The following PCSK5 variants were observed in gnomAD, a reference collection of about 807,000 sequenced individuals.
PCSK5 encodes proprotein convertase subtilisin/kexin type 5.
PCSK5 carries 129 observed loss-of-function variants against 233.2 expected under a neutral mutation model. That is an observed-to-expected ratio of 0.55 (90% CI 0.48 to 0.64). The LOEUF (loss-of-function observed/expected upper bound fraction) is 0.64. Ranked by LOEUF, PCSK5 falls within the 30% of genes least tolerant of loss-of-function variation. The pLI is 0.00. For missense variants in PCSK5, 2,076 were observed against 2,430.1 expected, an observed-to-expected ratio of 0.85 and a Z score of 3.06; for synonymous variants, 825 against 879.2, an observed-to-expected ratio of 0.94 and a Z score of 1.09.
chr9:76,135,363 T>G (rs1326187318), intron 10 of PCSK5, among the ~76,000 whole-genome samples: 2 of 152,070 alleles, frequency 1.3e-5, no homozygotes, highest in African/African-American at 2.4e-5. Flanking sequence ...AGATAACCAG[T>G]GCCACATTAA....
chr9:76,006,702 T>C (rs2131442372), intron 3 of PCSK5, among the ~76,000 whole-genome samples: 3 of 152,316 alleles, frequency 2.0e-5, no homozygotes, highest in East Asian at 3.9e-4. Context: ...CCACCATCAG[T>C]TCTTTTGCGA....
chr9:76,322,926 G>A (rs944658810), intron 31 of PCSK5, 126 bp from the exon 32 acceptor site: 1 of 629,884 alleles, frequency 1.6e-6, no homozygotes, highest in Non-Finnish European at 2.8e-6. Context: ...GGCAGGGTGG[G>A]TAAAGGGCAA....
rs2131603182 is a variant in PCSK5 at position 76,071,766 on chromosome 9, A to G, written c.762A>G (p.Glu254=). 1 of 1,614,082 alleles carries G rather than the reference A, an allele frequency of 6.2e-7. No homozygotes were observed. ...MLDGDVTDMV[E]AKSVSFNPQH... is the part of the protein sequence containing the mutation. ...ACGGAGATGTCACGGACATGGTTGAAGCAAAATCAGTTAGCTTCAACCCCC... is the reference window on the plus strand; with the variant it reads ...ACGGAGATGTCACGGACATGGTTGAGGCAAAATCAGTTAGCTTCAACCCCC... Residue 254 remains glutamate (E), a synonymous_variant, in exon 7 of 38, where the codon GAA becomes GAG. Transcript: ENST00000674117.
chr9:76,057,157 A>C (rs1403207676), intron 5 of PCSK5, among the ~76,000 whole-genome samples: 2 of 152,180 alleles, frequency 1.3e-5, no homozygotes, highest in Non-Finnish European at 2.9e-5. Flanking sequence ...CTGAGCAAAA[A>C]CACATCTGAA....
chr9:76,153,745 A>G (rs1823768480), intron 10 of PCSK5, among the ~76,000 whole-genome samples: 1 of 152,172 alleles, frequency 6.6e-6, no homozygotes, highest in Admixed American at 6.5e-5. Flanking sequence ...TCCCCTTACA[A>G]TTCCCTGGTA....
Position 76,350,811 on chromosome 9 carries a change from A to T in PCSK5, c.4967-17A>T. 1 of 1,456,774 alleles carries T rather than the reference A, an allele frequency of 6.9e-7. No individual in the cohort carries two copies. Among genetic ancestry groups the T allele is most frequent in the South Asian group, 1.1e-5 (1 of 87,230 alleles). 90.2% of individuals were successfully genotyped at this position (1,456,774 alleles called of 1,614,324 possible). A position where few individuals can be genotyped will look rare whatever the true frequency, so the allele number is the denominator to read the frequency against. ...ATCTAAGGTCAATCTCATAACTTAG[A>T]ATGTTTTCTCTTTCAGGAAAAGGAG... On this transcript the variant is annotated splice_polypyrimidine_tract_variant and intron_variant, in intron 35 of 37. Coordinates refer to ENST00000674117, the MANE Select transcript of PCSK5 (RefSeq NM_001372043.1).
chr9:75,930,130 T>G (rs1191755249), intron 1 of PCSK5, among the ~76,000 whole-genome samples: 1 of 152,194 alleles, frequency 6.6e-6, no homozygotes. Context: ...CCCAAAGTGC[T>G]AGGGTTATAG....
intron 5 of PCSK5, among the ~76,000 whole-genome samples, chr9:76,058,926 C>G (rs1246158460): frequency 6.6e-6 from 1 of 152,096 alleles, no homozygotes; most frequent in Non-Finnish European, 1.5e-5. Flanking sequence ...AGGAGGATCA[C>G]TTGAGCCCAG....
Position 76,328,229 on chromosome 9 carries a change from C to A in PCSK5, c.4560C>A (p.Ser1520Arg). 2 of 1,610,342 alleles carry A rather than the reference C, an allele frequency of 1.2e-6. No homozygotes were observed. Among genetic ancestry groups the A allele is most frequent in the South Asian group, 2.2e-5 (2 of 91,044 alleles). ...AGTGTCAAACATGCCCCATGAACAG[C>A]CTTCTTCTCAGTGAGTTACTTCTCC... ...EDQCQTCPMN[S>R]LLLNTTCVKD... The change falls in exon 33 of 38, where the codon AGC becomes AGA. Residue 1520 changes from serine to arginine, a missense_variant. This residue lies in a region of PCSK5 where 1,510 missense variants were observed against 1,538.1 expected (regional missense o/e 0.98). Transcript: ENST00000674117.
Position 76,188,679 on chromosome 9 carries a change from C to A in PCSK5, c.2380+4C>A, listed in dbSNP as rs545554201. The A allele has an allele frequency of 3.7e-6, 6 of 1,607,848 alleles. No homozygotes were observed. The highest frequency in any genetic ancestry group is 5.1e-6 in the Non-Finnish European group (6 of 1,174,544). On this transcript the variant is annotated splice_donor_region_variant and intron_variant, in intron 18 of 37. Coordinates refer to ENST00000674117, the MANE Select transcript of PCSK5 (RefSeq NM_001372043.1). ...CGCTTCTGCGCCACTTGTGCTGGTA[C>A]CTTCCCTAGTTCTTTTGTTTATTCT... is the stretch of plus-strand genomic sequence containing the variant.
chr9:75,958,637 C>T (rs1373681564), intron 2 of PCSK5, among the ~76,000 whole-genome samples: 1 of 152,088 alleles, frequency 6.6e-6, no homozygotes, highest in East Asian at 1.9e-4. Flanking sequence ...TTTTCTTTTC[C>T]CTTCCCATGG....
intron 2 of PCSK5, among the ~76,000 whole-genome samples, chr9:75,982,809 A>T (rs1826337122): frequency 1.3e-5 from 2 of 150,844 alleles, no homozygotes; most frequent in African/African-American, 4.9e-5. Context: ...AAATTAGTCA[A>T]AGTTTCTAAA....
At chr9:76,082,196 C>G (rs1251957399) in intron 7 of PCSK5, among the ~76,000 whole-genome samples, 2 of 152,164 alleles carry the variant, frequency 1.3e-5, no homozygotes, top group African/African-American at 4.8e-5. Context: ...TTAAAAGTTT[C>G]TCTCATTCAG....
chr9:76,256,621 A>G (rs1031816429), intron 24 of PCSK5, among the ~76,000 whole-genome samples: 2 of 152,174 alleles, frequency 1.3e-5, no homozygotes, highest in Non-Finnish European at 2.9e-5. Context: ...TTGCCAAATT[A>G]CTTCCTTTTA....
intron 3 of PCSK5, among the ~76,000 whole-genome samples, chr9:76,001,926 C>T (rs1009779998): frequency 1.1e-4 from 16 of 152,266 alleles, no homozygotes; most frequent in Non-Finnish European, 2.2e-4. Flanking sequence ...CACTAATGAG[C>T]ATTAAATTCG....
At chr9:76,126,965 A>C (rs1172558112) in intron 9 of PCSK5, among the ~76,000 whole-genome samples, 3 of 152,210 alleles carry the variant, frequency 2.0e-5, no homozygotes, top group Non-Finnish European at 4.4e-5. Flanking sequence ...TGGGCATAAT[A>C]ACATTTACTT....
At chr9:76,127,488 A>G (rs1822558554) in intron 9 of PCSK5, among the ~76,000 whole-genome samples, 1 of 152,208 alleles carries the variant, frequency 6.6e-6, no homozygotes, top group South Asian at 2.1e-4. Flanking sequence ...TTAAATTGCC[A>G]TCTACACTAT....
intron 24 of PCSK5, among the ~76,000 whole-genome samples, chr9:76,245,912 G>A (rs946712867): frequency 3.3e-5 from 5 of 152,092 alleles, no homozygotes; most frequent in African/African-American, 1.2e-4. Flanking sequence ...AAATAAAGCA[G>A]ACAAATCTAA....
intron 28 of PCSK5, 27 bp from the exon 29 acceptor site, chr9:76,308,618 C>T: frequency 7.3e-7 from 1 of 1,374,550 alleles, no homozygotes; most frequent in South Asian, 1.2e-5. Flanking sequence ...AAGGAGAAGC[C>T]TGAACTGTTG....
Sources: gnomAD v4.1 joint callset for allele counts (sites outside exome capture counted in the v4.1 genomes callset) on GRCh38, gnomAD v4.1.1 for gene constraint, gnomAD v4.1.1 regional missense constraint, MANE v1.5 for transcripts, NCBI Gene and HGNC (gene_info 2026-07-23, HGNC 2026-07-21) for gene names.